Variants in TNKS observed in about 807,000 individuals in gnomAD.
TNKS encodes the protein poly [ADP-ribose] polymerase tankyrase-1.
In TNKS, 72 loss-of-function variants were observed where a neutral mutation model predicts 135.8. The observed-to-expected ratio is 0.53, with a 90% CI of 0.44 to 0.64. The LOEUF is 0.64. TNKS is among the 30% of genes least tolerant of loss of function. The pLI is 0.00. For missense variants in TNKS, 1,769 were observed against 1,674.0 expected (o/e 1.06, Z -0.99); for synonymous variants, 849 against 649.3 (o/e 1.31, Z -4.68).
At chr8:9,751,918 A>C in intron 19 of TNKS, 72 bp downstream of exon 19, 1 of 1,377,194 alleles carries the variant, frequency 7.3e-7, no homozygotes, top group South Asian at 1.2e-5. Context: ...TTTTCTATTG[A>C]TAACTATTGA....
intron 13 of TNKS, among the ~76,000 whole-genome samples, chr8:9,727,820 A>G (rs999807366): frequency 2.6e-5 from 4 of 152,228 alleles, no homozygotes; most frequent in Non-Finnish European, 5.9e-5. Flanking sequence ...GATCACATCC[A>G]ACTTACGATA....
intron 3 of TNKS, among the ~76,000 whole-genome samples, chr8:9,628,928 C>T (rs897796373): frequency 3.9e-5 from 6 of 152,186 alleles, no homozygotes; most frequent in African/African-American, 1.2e-4. Context: ...TACCCGGTTG[C>T]TCCAGCCAAA....
chr8:9,586,934 C>A (rs1204264247), intron 2 of TNKS, among the ~76,000 whole-genome samples: 3 of 152,046 alleles, frequency 2.0e-5, no homozygotes, highest in African/African-American at 7.2e-5. Flanking sequence ...CTGGAGAGTA[C>A]TGTTGGGTCT....
intron 2 of TNKS, among the ~76,000 whole-genome samples, chr8:9,598,765 G>GTATATATATATATATA (rs71201956): frequency 4.0e-5 from 2 of 49,628 alleles, no homozygotes; most frequent in Admixed American, 2.6e-4. Flanking sequence ...ATGTGTGTGT[G>GTATATATATATATATA]TATATATATA....
chr8:9,775,985 GCCT>G (rs1808207790), intron 26 of TNKS, among the ~76,000 whole-genome samples: 1 of 150,112 alleles, frequency 6.7e-6, no homozygotes, highest in Admixed American at 6.6e-5. Flanking sequence ...CCTCTGATCA[GCCT>G]CCTTTTTCCT....
At chr8:9,677,535 T>G (rs938563175) in intron 3 of TNKS, among the ~76,000 whole-genome samples, 1 of 152,126 alleles carries the variant, frequency 6.6e-6, no homozygotes, top group Non-Finnish European at 1.5e-5. Flanking sequence ...TTTAATGTGT[T>G]TTTACTGTCT....
intron 17 of TNKS, among the ~76,000 whole-genome samples, chr8:9,744,601 A>G (rs1806140601): frequency 6.6e-6 from 1 of 152,162 alleles, no homozygotes; most frequent in South Asian, 2.1e-4. Context: ...TCTCCTGGAA[A>G]CATTCCAACA....
At chr8:9,659,963 A>G (rs1285857434) in intron 3 of TNKS, among the ~76,000 whole-genome samples, 5 of 152,378 alleles carry the variant, frequency 3.3e-5, no homozygotes, top group South Asian at 2.1e-4. Flanking sequence ...AAACACCTCT[A>G]TGCAAATAAA....
intron 2 of TNKS, among the ~76,000 whole-genome samples, chr8:9,606,637 T>A (rs1272302901): frequency 1.3e-5 from 2 of 152,188 alleles, no homozygotes; most frequent in Non-Finnish European, 2.9e-5. Context: ...TTATAATTGA[T>A]GCTTTGAGGT....
chr8:9,599,674 C>G (rs1203674105), intron 2 of TNKS, among the ~76,000 whole-genome samples: 1 of 151,970 alleles, frequency 6.6e-6, no homozygotes, highest in Non-Finnish European at 1.5e-5. Flanking sequence ...TGTATTGTGT[C>G]CTGGATTAAC....
At chr8:9,735,165 T>C in intron 16 of TNKS, 81 bp downstream of exon 16, 6 of 1,377,384 alleles carry the variant, frequency 4.4e-6, no homozygotes, top group Non-Finnish European at 5.9e-6. Context: ...AAAGCCATGC[T>C]GAACACAAAT....
At position 9,704,700 on chromosome 8, in the gene TNKS, T is replaced by G; in HGVS notation, c.1145T>G (p.Val382Gly). The G allele has an allele frequency of 6.2e-7, 1 of 1,613,558 alleles. No homozygotes were observed. Among genetic ancestry groups the G allele is most frequent in the Non-Finnish European group, 8.5e-7 (1 of 1,179,576 alleles). Reference sequence around the variant, plus strand: ...CATCTAGCAGCGGGCTACAACAGAGTTCGAATAGTTCAGCTTCTTCTTCAG... The same window carrying G: ...CATCTAGCAGCGGGCTACAACAGAGGTCGAATAGTTCAGCTTCTTCTTCAG... Reference protein sequence around the residue: ...PLHLAAGYNRVRIVQLLLQHG... With the variant: ...PLHLAAGYNRGRIVQLLLQHG... The change falls in exon 6 of 27, where the codon GTT becomes GGT. Residue 382 changes from valine to glycine, a missense_variant. Val to Gly is a moderately radical substitution (Grantham distance 109, BLOSUM62 -3). Coordinates refer to ENST00000310430, the MANE Select transcript of TNKS (RefSeq NM_003747.3).
At chr8:9,556,908 G>A (rs1815341866) in intron 1 of TNKS, 4 of 532,402 alleles carry the variant, frequency 7.5e-6, no homozygotes, top group Non-Finnish European at 1.3e-5. Flanking sequence ...TTTTTGGTGT[G>A]CAGGAATACA....
chr8:9,671,716 C>G (rs1802277416), intron 3 of TNKS, among the ~76,000 whole-genome samples: 1 of 152,054 alleles, frequency 6.6e-6, no homozygotes, highest in Non-Finnish European at 1.5e-5. Flanking sequence ...ACCCACAGAA[C>G]CATCTGAAAA....
At chr8:9,617,285 C>A (rs563446623) in intron 3 of TNKS, among the ~76,000 whole-genome samples, 17 of 152,180 alleles carry the variant, frequency 1.1e-4, no homozygotes, top group Non-Finnish European at 2.4e-4. Flanking sequence ...GATATCACAT[C>A]TACTAAAATT....
At chr8:9,666,220 A>C (rs1801980520) in intron 3 of TNKS, among the ~76,000 whole-genome samples, 1 of 152,204 alleles carries the variant, frequency 6.6e-6, no homozygotes, top group Non-Finnish European at 1.5e-5. Context: ...CACACGTTGA[A>C]ATGGTAATAT....
intron 2 of TNKS, among the ~76,000 whole-genome samples, chr8:9,593,785 A>G (rs1171947815): frequency 6.6e-6 from 1 of 152,156 alleles, no homozygotes; most frequent in Non-Finnish European, 1.5e-5. Flanking sequence ...TGGAACTTGG[A>G]ATGGCACGGG....
At chr8:9,615,495 A>T (rs1177393501) in intron 2 of TNKS, 87 bp from the exon 3 acceptor site, 2 of 1,057,730 alleles carry the variant, frequency 1.9e-6, no homozygotes, top group East Asian at 2.8e-5. Context: ...ATGTATGTTT[A>T]TGCCTACACC....
In TNKS at chr8:9,624,098, A is replaced by T. The variant is rs1263085123; in HGVS notation, c.994+8421A>T. Among the ~76,000 whole-genome samples the T allele has an allele frequency of 1.3e-5, 2 of 152,198 alleles. 1 individual carries two copies. Among genetic ancestry groups the T allele is most frequent in the Non-Finnish European group, 2.9e-5 (2 of 68,024 alleles). On this transcript the variant is annotated intron_variant, in intron 3 of 26. Transcript: ENST00000310430. Reference sequence around the variant, plus strand: ...CCACTCTAGTACTTCAAGTCCTTCCAATGAATCTTTTTGTGTAATTAAAGC... The same window carrying T: ...CCACTCTAGTACTTCAAGTCCTTCCTATGAATCTTTTTGTGTAATTAAAGC...
Sources: allele counts gnomAD v4.1 joint callset (sites outside exome capture counted in the v4.1 genomes callset), GRCh38; gene constraint gnomAD v4.1.1; transcripts MANE v1.5; gene names NCBI Gene and HGNC (gene_info 2026-07-23, HGNC 2026-07-21).